KRABD1: variants seen among roughly 807,000 people sequenced by gnomAD.
The protein encoded by KRABD1 is KRAB domain containing 1, also known as KRAB domain-containing protein 1.
chr3:42,941,146 C>A, the KRABD1 span: 2 of 1,359,920 alleles, frequency 1.5e-6, no homozygotes, highest in South Asian at 1.5e-5. Context: ...TTTGTAGATG[C>A]CCTTCTCAGG....
At chr3:42,936,866 A>G in the KRABD1 span, 1 of 151,474 alleles carries the variant, frequency 6.6e-6, no homozygotes, top group Admixed American at 6.6e-5. Flanking sequence ...GTGATCAGTT[A>G]TTTTCGCCTG....
chr3:42,940,125 T>A, the KRABD1 span, among the ~76,000 whole-genome samples: 1 of 152,348 alleles, frequency 6.6e-6, no homozygotes, highest in Non-Finnish European at 1.5e-5. Context: ...ACCTTTATAC[T>A]TAGGTGTGTG....
the KRABD1 span, chr3:42,936,919 C>T: frequency 6.6e-6 from 1 of 152,116 alleles, no homozygotes; most frequent in East Asian, 1.9e-4. Flanking sequence ...TGTCGTAGAG[C>T]AACCAAAAAT....
chr3:42,937,172 CTT>C, the KRABD1 span: 1 of 152,134 alleles, frequency 6.6e-6, no homozygotes, highest in Non-Finnish European at 1.5e-5. Flanking sequence ...ATTCTCTGAA[CTT>C]TTACTCCACT....
At chr3:42,942,735 G>T in the KRABD1 span, 1 of 433,620 alleles carries the variant, frequency 2.3e-6, no homozygotes, top group Non-Finnish European at 4.0e-6. Context: ...TTCTTTTTCT[G>T]TAGACTGGTA....
At chr3:42,941,883 C>A in the KRABD1 span, 1 of 905,558 alleles carries the variant, frequency 1.1e-6, no homozygotes, top group Non-Finnish European at 1.7e-6. Context: ...CTTGCTTGTT[C>A]TTGTAGCCAC....
At chr3:42,942,254 C>T in the KRABD1 span, among the ~76,000 whole-genome samples, 1 of 152,140 alleles carries the variant, frequency 6.6e-6, no homozygotes, top group Admixed American at 6.5e-5. Context: ...GTACACAACA[C>T]TCTTCTTCTG....
At chr3:42,939,629 A>T in the KRABD1 span, among the ~76,000 whole-genome samples, 1 of 152,152 alleles carries the variant, frequency 6.6e-6, no homozygotes, top group East Asian at 1.9e-4. Context: ...AGTTTAGTAG[A>T]TACTGCCCAA....
chr3:42,940,587 C>A, the KRABD1 span, among the ~76,000 whole-genome samples: 1 of 152,204 alleles, frequency 6.6e-6, no homozygotes, highest in South Asian at 2.1e-4. Context: ...AAATAGACAC[C>A]TTTTTAGGCC....
chr3:42,937,992 T>C, the KRABD1 span: 1 of 152,236 alleles, frequency 6.6e-6, no homozygotes, highest in Non-Finnish European at 1.5e-5. Context: ...CTGATCCAAC[T>C]GTTGGCAGCT....
At chr3:42,941,278 C>T in the KRABD1 span, 1 of 1,592,852 alleles carries the variant, frequency 6.3e-7, no homozygotes, top group East Asian at 2.2e-5. Flanking sequence ...AAGGAATGGG[C>T]CATCATGGTG....
chr3:42,936,464 G>A, the KRABD1 span: 548 of 152,474 alleles, frequency 3.6e-3, 6 homozygotes, highest in African/African-American at 0.013. Context: ...CGGTGAGCGG[G>A]TCTGAGGAGG....
chr3:42,938,244 C>T, the KRABD1 span: 1 of 152,174 alleles, frequency 6.6e-6, no homozygotes, highest in Non-Finnish European at 1.5e-5. Flanking sequence ...ATCACCCACT[C>T]CAAACACCTT....
chr3:42,941,708 AAAG>A, the KRABD1 span, among the ~76,000 whole-genome samples: 1 of 152,046 alleles, frequency 6.6e-6, no homozygotes, highest in African/African-American at 2.4e-5. Flanking sequence ...ATCCTCTGAC[AAAG>A]AAGGTAAAAA....
the KRABD1 span, chr3:42,938,676 C>G: frequency 2.4e-6 from 1 of 416,850 alleles, no homozygotes; most frequent in Non-Finnish European, 4.4e-6. Flanking sequence ...ATGATTCTAC[C>G]TCCTTTTTGC....
the KRABD1 span, chr3:42,941,282 C>T: frequency 6.3e-7 from 1 of 1,594,950 alleles, no homozygotes; most frequent in Non-Finnish European, 8.5e-7. Context: ...AATGGGCCAT[C>T]ATGGTGCCTG....
chr3:42,936,883 TG>T, the KRABD1 span: 1 of 152,198 alleles, frequency 6.6e-6, no homozygotes, highest in African/African-American at 2.4e-5. Context: ...CCTGCCATAG[TG>T]TACACCAGTC....
chr3:42,937,300 C>CA, the KRABD1 span: 1 of 152,156 alleles, frequency 6.6e-6, no homozygotes, highest in African/African-American at 2.4e-5. Flanking sequence ...GTTTCATCTC[C>CA]ACTTAGCTTT....
the KRABD1 span, among the ~76,000 whole-genome samples, chr3:42,940,665 C>T: frequency 6.6e-6 from 1 of 152,144 alleles, no homozygotes; most frequent in Non-Finnish European, 1.5e-5. Flanking sequence ...TATTTTCCTG[C>T]GTTTCTCTAA....
Sources: allele counts gnomAD v4.1 joint callset (sites outside exome capture counted in the v4.1 genomes callset), GRCh38; gene constraint gnomAD v4.1.1; transcripts MANE v1.5; gene names NCBI Gene and HGNC (gene_info 2026-07-23, HGNC 2026-07-21).